ADAM12: variants seen among roughly 807,000 people sequenced by gnomAD.
ADAM12 encodes the protein disintegrin and metalloproteinase domain-containing protein 12.
A neutral mutation model predicts 106.4 loss-of-function variants in ADAM12; 70 were observed. The ratio of observed to expected loss-of-function variants is 0.66; its 90% CI spans 0.54 to 0.80. The LOEUF is 0.80. Ranked by LOEUF, ADAM12 falls within the 30% of genes least tolerant of loss-of-function variation. The probability of loss-of-function intolerance (pLI) is 0.00; values close to 1 mark genes in which losing one functional copy is unlikely to be tolerated. For missense variants in ADAM12, 1,010 were observed against 1,171.9 expected, an observed-to-expected ratio of 0.86 and a Z score of 2.02; for synonymous variants, 420 against 433.5, an observed-to-expected ratio of 0.97 and a Z score of 0.39.
intron 1 of ADAM12, 62 bp downstream of exon 1, chr10:126,387,996 A>C (rs1215976751): frequency 8.4e-7 from 1 of 1,186,714 alleles, no homozygotes. Context: ...CGGCGCGCCC[A>C]GGCGCAGCGT....
intron 4 of ADAM12, among the ~76,000 whole-genome samples, chr10:126,137,506 T>G (rs893682621): frequency 6.6e-6 from 1 of 152,228 alleles, no homozygotes; most frequent in Non-Finnish European, 1.5e-5. Context: ...TTCTGTCACC[T>G]CAGAAAGAAA....
intron 3 of ADAM12, among the ~76,000 whole-genome samples, chr10:126,158,385 G>A (rs1314039099): frequency 2.5e-5 from 2 of 79,300 alleles, no homozygotes; most frequent in African/African-American, 8.0e-5. Flanking sequence ...GATGCACAGA[G>A]CATGGGGAGA....
intron 10 of ADAM12, 135 bp from the exon 11 acceptor site, chr10:126,094,268 A>C: frequency 1.2e-6 from 1 of 864,868 alleles, no homozygotes; most frequent in East Asian, 2.7e-5. Flanking sequence ...ACCAAGGTAA[A>C]ACGCTATCAT....
rs763997822 is a variant in ADAM12 at position 126,049,384 on chromosome 10, C to T, written c.1786G>A (p.Val596Ile). 8.7e-6 allele frequency: 14 copies of T among 1,614,202 alleles called. No homozygotes were observed. The highest frequency in any genetic ancestry group is 4.4e-5 in the South Asian group (4 of 91,086). Reference sequence around the variant, plus strand: ...AGGGGGATGTTTGTTTCTATGGAAACGGCATTGGTACCAATGACTGGCCGG... The same window carrying T: ...AGGGGGATGTTTGTTTCTATGGAAATGGCATTGGTACCAATGACTGGCCGG... ...ASRPVIGTNA[V>I]SIETNIPLQQ... Residue 596 changes from valine (V) to isoleucine (I), a missense_variant, in exon 16 of 23, where the codon GTT (valine) becomes ATT (isoleucine). Physicochemically the swap from Val to Ile is conservative, Grantham distance 29 (BLOSUM62 3). This residue lies in a region of ADAM12 where 615 missense variants were observed against 708.5 expected (regional missense o/e 0.87). Coordinates refer to ENST00000448723, the MANE Select transcript of ADAM12 (RefSeq NM_001288973.2). This position sits in a 1 kb window ranked among gnomAD's most constrained non-coding sequence, Gnocchi z 4.4.
At chr10:126,295,172 C>T (rs897781954) in intron 2 of ADAM12, among the ~76,000 whole-genome samples, 1 of 152,040 alleles carries the variant, frequency 6.6e-6, no homozygotes, top group Non-Finnish European at 1.5e-5. Context: ...CCCTCTCCCC[C>T]CAAAAAATAG....
chr10:126,234,721 T>C (rs1012212825), intron 3 of ADAM12, among the ~76,000 whole-genome samples: 5 of 151,926 alleles, frequency 3.3e-5, no homozygotes, highest in Non-Finnish European at 7.4e-5. Flanking sequence ...GTGTGAGGAG[T>C]TGGAGAGGCA....
chr10:126,083,965 G>A (rs897005873), intron 11 of ADAM12, among the ~76,000 whole-genome samples: 1 of 152,134 alleles, frequency 6.6e-6, no homozygotes, highest in Non-Finnish European at 1.5e-5. Flanking sequence ...CCAACCAGAC[G>A]GACCACAGAA....
intron 4 of ADAM12, among the ~76,000 whole-genome samples, chr10:126,144,935 C>T (rs775188269): frequency 7.2e-5 from 11 of 152,168 alleles, no homozygotes; most frequent in Non-Finnish European, 1.6e-4. Flanking sequence ...GGTAGCTGGA[C>T]TCTGGCTTGT....
intron 3 of ADAM12, among the ~76,000 whole-genome samples, chr10:126,200,563 C>T (rs1340447190): frequency 6.6e-6 from 1 of 152,142 alleles, no homozygotes; most frequent in Non-Finnish European, 1.5e-5. Context: ...TAATCGACAA[C>T]ACCACGATAT....
chr10:126,248,701 T>G (rs61863449), intron 3 of ADAM12, among the ~76,000 whole-genome samples: 44 of 62,290 alleles, frequency 7.1e-4, no homozygotes, highest in African/African-American at 2.8e-3. Flanking sequence ...ATTTATTTAT[T>G]TATTTATTTA....
At chr10:126,072,251 G>A (rs1345412589) in intron 11 of ADAM12, among the ~76,000 whole-genome samples, 2 of 152,028 alleles carry the variant, frequency 1.3e-5, no homozygotes, top group African/African-American at 4.8e-5. Context: ...TAAATTCCAC[G>A]GTGTGGCAGG....
chr10:126,200,973 AG>A (rs1308984830), intron 3 of ADAM12, among the ~76,000 whole-genome samples: 2 of 152,194 alleles, frequency 1.3e-5, no homozygotes, highest in African/African-American at 4.8e-5. Context: ...CAGTCTGGGC[AG>A]GGCATAAATT....
chr10:126,019,874 A>G, intron 21 of ADAM12, 49 bp from the exon 22 acceptor site: 9 of 1,555,898 alleles, frequency 5.8e-6, no homozygotes, highest in Non-Finnish European at 7.8e-6. Flanking sequence ...GAGCCAGCAG[A>G]GGCCCCTGAG....
intron 3 of ADAM12, among the ~76,000 whole-genome samples, chr10:126,188,069 C>G (rs1957431421): frequency 6.6e-6 from 1 of 152,222 alleles, no homozygotes; most frequent in Admixed American, 6.5e-5. Flanking sequence ...GGGGCAATGA[C>G]AGCCCAGTCC....
intron 2 of ADAM12, among the ~76,000 whole-genome samples, chr10:126,289,105 A>C (rs1960025420): frequency 6.6e-6 from 1 of 152,108 alleles, no homozygotes; most frequent in South Asian, 2.1e-4. Flanking sequence ...GTGTGGTGAC[A>C]CAATGGCTTG....
intron 3 of ADAM12, among the ~76,000 whole-genome samples, chr10:126,200,367 C>G (rs900515319): frequency 2.6e-5 from 4 of 152,158 alleles, no homozygotes; most frequent in African/African-American, 9.7e-5. Flanking sequence ...TCTCAAGGCT[C>G]AGGAAGTTTA....
chr10:126,112,926 C>T (rs1955897697), intron 6 of ADAM12, among the ~76,000 whole-genome samples: 1 of 152,094 alleles, frequency 6.6e-6, no homozygotes, highest in African/African-American at 2.4e-5. Flanking sequence ...TCAGGAAACC[C>T]ATATTCGGGA....
chr10:126,097,002 G>T (rs1244980638), intron 10 of ADAM12, among the ~76,000 whole-genome samples: 3 of 152,052 alleles, frequency 2.0e-5, no homozygotes, highest in Non-Finnish European at 4.4e-5. Flanking sequence ...TAAGGGACAC[G>T]AGCTGAAGAA....
At chr10:126,172,231 TTCTTTA>T (rs1281841626) in intron 3 of ADAM12, among the ~76,000 whole-genome samples, 2 of 152,188 alleles carry the variant, frequency 1.3e-5, no homozygotes, top group Non-Finnish European at 2.9e-5. Context: ...GGAGTTACTG[TTCTTTA>T]TCTTTCCCAT....
Sources: gnomAD v4.1 joint callset for allele counts (sites outside exome capture counted in the v4.1 genomes callset) on GRCh38, gnomAD v4.1.1 for gene constraint, gnomAD v4.1.1 regional missense constraint, Gnocchi (gnomAD v3.1) non-coding constraint, MANE v1.5 for transcripts, NCBI Gene and HGNC (gene_info 2026-07-23, HGNC 2026-07-21) for gene names.